Variants in TMEM220 observed in about 807,000 individuals in gnomAD.
The protein encoded by TMEM220 is transmembrane protein 220.
A neutral mutation model predicts 21.7 loss-of-function variants in TMEM220; 21 were observed. That is an observed-to-expected ratio of 0.97 (90% CI 0.69 to 1.39). The LOEUF is 1.39. Ranked by LOEUF, TMEM220 falls within the 40% of genes most tolerant of loss-of-function variation. TMEM220 has a pLI of 0.00. For synonymous variants in TMEM220, 80 were observed against 73.6 expected (o/e 1.09, Z -0.45); for missense variants, 191 against 201.9 (o/e 0.95, Z 0.33).
At chr17:10,724,986 C>T in intron 4 of TMEM220, 25 bp downstream of exon 4, 1 of 1,613,934 alleles carries the variant, frequency 6.2e-7, no homozygotes, top group South Asian at 1.1e-5. Flanking sequence ...TTCTATCCCT[C>T]CACAGGGTAA....
At chr17:10,727,828 T>C (rs2075064893) in intron 2 of TMEM220, among the ~76,000 whole-genome samples, 1 of 152,148 alleles carries the variant, frequency 6.6e-6, no homozygotes, top group African/African-American at 2.4e-5. Context: ...GTATCTATAT[T>C]GAGAGAAACT....
chr17:10,716,000 T>TGATA (rs146093202), intron 5 of TMEM220: 231,785 of 493,602 alleles, frequency 0.47, 56,275 homozygotes, highest in African/African-American at 0.65. Flanking sequence ...TATACTGCCC[T>TGATA]GACACAAAAT....
chr17:10,729,666 C>G (rs1436556115), intron 1 of TMEM220, 114 bp downstream of exon 1: 2 of 902,462 alleles, frequency 2.2e-6, no homozygotes, highest in Non-Finnish European at 3.0e-6. Flanking sequence ...GTCCCGTCCT[C>G]CCCACTAACT....
downstream of TMEM220, among the ~76,000 whole-genome samples, chr17:10,712,144 G>A (rs971797978): frequency 3.3e-5 from 5 of 152,202 alleles, no homozygotes; most frequent in Non-Finnish European, 7.3e-5. Flanking sequence ...CCTGAGGAGG[G>A]TCTAGGACGA....
rs1194373052 is a variant in TMEM220, at chr17:10,713,987, T to C, written c.*1466A>G. On this transcript the variant is annotated 3_prime_UTR_variant, in exon 6 of 6. Coordinates refer to ENST00000341871, the MANE Select transcript of TMEM220 (RefSeq NM_001004313.3). ...AAAAAACAGTATCTGACCACAGAGT[T>C]TGATGCTTGTGTATGTAAAATGTTG... is the stretch of plus-strand genomic sequence containing the variant. The C allele has an allele frequency of 6.6e-6, 1 of 152,224 alleles. No homozygotes were observed. The highest frequency in any genetic ancestry group is 1.5e-5 in the Non-Finnish European group (1 of 68,038). 9.4% of individuals were successfully genotyped at this position (152,224 alleles called of 1,614,324 possible).
intron 1 of TMEM220, 43 bp downstream of exon 1, chr17:10,729,737 G>C: frequency 7.6e-7 from 1 of 1,316,542 alleles, no homozygotes; most frequent in Non-Finnish European, 9.7e-7. Flanking sequence ...AGGGGGCGGA[G>C]CTGGGAGCCG....
intron 5 of TMEM220, among the ~76,000 whole-genome samples, chr17:10,721,604 C>CAAAAAAAAAAAAAAAAA (rs1194075248): frequency 2.8e-5 from 1 of 35,826 alleles, no homozygotes; most frequent in African/African-American, 1.4e-4. Flanking sequence ...GACTCTGTCT[C>CAAAAAAAAAAAAAAAAA]AAAAAAAAAA....
rs2074904508 is a variant in TMEM220, at chr17:10,715,533, G to A, written c.403C>T (p.Pro135Ser). Reference protein sequence around the residue: ...LAIAIVITLFPFISWVYIYIN... With the variant: ...LAIAIVITLFSFISWVYIYIN... ...TATATGTAGACCCATGAGATAAATG[G>A]GAAAAGTGTGATTACAATGGCAATA... The change falls in exon 6 of 6, where the codon CCA becomes TCA. Residue 135 changes from proline to serine, a missense_variant. Coordinates refer to ENST00000341871, the MANE Select transcript of TMEM220 (RefSeq NM_001004313.3). 6.2e-7 allele frequency: 1 copy of A among 1,603,804 alleles called. No individual in the cohort carries two copies. The highest frequency in any genetic ancestry group is 1.7e-5 in the Admixed American group (1 of 57,158).
chr17:10,722,054 A>T (rs449437), intron 5 of TMEM220, among the ~76,000 whole-genome samples: 1 of 149,882 alleles, frequency 6.7e-6, no homozygotes, highest in Admixed American at 6.6e-5. Context: ...GTGCAACAGC[A>T]CTACCTCAGC....
intron 5 of TMEM220, among the ~76,000 whole-genome samples, chr17:10,720,104 G>A (rs1374757219): frequency 6.6e-6 from 1 of 152,180 alleles, no homozygotes; most frequent in African/African-American, 2.4e-5. Context: ...TGTTAGCCAT[G>A]GCTGGTTGGG....
Position 10,726,261 on chromosome 17 carries a change from C to T in TMEM220, c.106G>A (p.Val36Met), listed in dbSNP as rs2075047685. ...NDPDAEVWVV[V>M]YTIPAVLTLL... The stretch of plus-strand genomic sequence containing the variant: ...GTCAGTACTGCAGGGATTGTGTACA[C>T]CACCTGTTAGCAAAAAGGGAGGAAA... The change falls in exon 3 of 6, where the codon GTG (valine) becomes ATG (methionine). Residue 36 changes from valine (V) to methionine (M), a missense_variant. Physicochemically the swap from Val to Met is conservative, Grantham distance 21. Transcript: ENST00000341871. 2 of 1,613,760 alleles carry T rather than the reference C, an allele frequency of 1.2e-6. No homozygotes were observed. The highest frequency in any genetic ancestry group is 1.7e-6 in the Non-Finnish European group (2 of 1,179,680).
Position 10,713,964 on chromosome 17 carries a change from A to G in TMEM220, c.*1489T>C, listed in dbSNP as rs375437. Reference sequence around the variant, plus strand: ...CCCAGATCTCTTTCCTAGATCAGAAAAAACAGTATCTGACCACAGAGTTTG... The same window carrying G: ...CCCAGATCTCTTTCCTAGATCAGAAGAAACAGTATCTGACCACAGAGTTTG... On this transcript the variant is annotated 3_prime_UTR_variant, in exon 6 of 6. Transcript: ENST00000341871. 75,104 of 152,068 alleles carry G rather than the reference A, an allele frequency of 0.49. 19,291 individuals carry two copies. Among genetic ancestry groups the G allele is most frequent in the African/African-American group, 0.64 (26,375 of 41,472 alleles). The allele number at this position is 152,068 out of a possible 1,614,324, so 9.4% of individuals were successfully genotyped here.
intron 3 of TMEM220, 109 bp downstream of exon 3, chr17:10,726,095 G>T: frequency 2.5e-6 from 2 of 794,552 alleles, no homozygotes; most frequent in South Asian, 1.5e-5. Context: ...GAAATGAGAA[G>T]AAAGGCCTAG....
In TMEM220 at chr17:10,714,606, C is replaced by G. The variant is rs1457518665; in HGVS notation, c.*847G>C. 1 of 152,220 alleles carries G rather than the reference C, an allele frequency of 6.6e-6. No individual in the cohort carries two copies. Among genetic ancestry groups the G allele is most frequent in the Non-Finnish European group, 1.5e-5 (1 of 68,112 alleles). The allele number at this position is 152,220 out of a possible 1,614,324, so 9.4% of individuals were successfully genotyped here. On this transcript the variant is annotated 3_prime_UTR_variant, in exon 6 of 6. Transcript: ENST00000341871. Reference sequence around the variant, plus strand: ...TTCTCCTTTAGTTCACTGCACTATGCCAGCTCTGGATAAGATTAGTTTAGG... The same window carrying G: ...TTCTCCTTTAGTTCACTGCACTATGGCAGCTCTGGATAAGATTAGTTTAGG...
chr17:10,730,023 G>A lies in TMEM220; in HGVS notation c.-172C>T, dbSNP rs1161936738. 5 of 1,211,598 alleles carry A rather than the reference G, an allele frequency of 4.1e-6. No homozygotes were observed. The African/African-American group carries it at 6.3e-5, about 15-fold the overall frequency. The allele number at this position is 1,211,598 out of a possible 1,614,324, so 75.1% of individuals were successfully genotyped here. A position where few individuals can be genotyped will look rare whatever the true frequency, so the allele number is the denominator to read the frequency against. On this transcript the variant is annotated 5_prime_UTR_variant, in exon 1 of 6. Coordinates refer to ENST00000341871, the MANE Select transcript of TMEM220 (RefSeq NM_001004313.3). ...GCTCCGCCCGGGGGCGGGGAGCGAA[G>A]GGCGTGGGTGTAGCCCCCACTCAGC...
At chr17:10,715,670 A>G (rs1448514372) in intron 5 of TMEM220, 82 bp from the exon 6 acceptor site, 14 of 1,057,276 alleles carry the variant, frequency 1.3e-5, no homozygotes, top group Non-Finnish European at 1.8e-5. Context: ...GATAAAACAC[A>G]TAATTACATT....
At position 10,728,144 on chromosome 17, in the gene TMEM220, G is replaced by A. The variant is rs543420716; in HGVS notation, c.102+887C>T. 5.4e-5 allele frequency among the ~76,000 whole-genome samples: 8 copies of A among 148,400 alleles called. No homozygotes were observed. The South Asian group carries it at 1.7e-3, about 32-fold the overall frequency. ...CATTGCACTCCAGCCTGGGCAACAA[G>A]AGCAAAACTCCGTCTCAAAAAGAAA... On this transcript the variant is annotated intron_variant, in intron 2 of 5. Transcript: ENST00000341871.
At chr17:10,722,583 C>A (rs1399291784) in intron 5 of TMEM220, among the ~76,000 whole-genome samples, 1 of 152,160 alleles carries the variant, frequency 6.6e-6, no homozygotes, top group Non-Finnish European at 1.5e-5. Flanking sequence ...ATTAAAGGAC[C>A]TTAGAATGCT....
intron 4 of TMEM220, among the ~76,000 whole-genome samples, chr17:10,724,724 T>A (rs910200769): frequency 2.6e-5 from 4 of 152,182 alleles, no homozygotes; most frequent in Non-Finnish European, 5.9e-5. Flanking sequence ...ATACCGTTGC[T>A]AGTTACAAGG....
Sources: gnomAD v4.1 joint callset for allele counts (sites outside exome capture counted in the v4.1 genomes callset) on GRCh38, gnomAD v4.1.1 for gene constraint, MANE v1.5 for transcripts, NCBI Gene and HGNC (gene_info 2026-07-23, HGNC 2026-07-21) for gene names.